The following GPC5 variants were observed in gnomAD, a reference collection of about 807,000 sequenced individuals.
GPC5 encodes glypican-5.
A neutral mutation model predicts 53.9 loss-of-function variants in GPC5; 47 were observed. The ratio of observed to expected loss-of-function variants is 0.87; its 90% confidence interval spans 0.69 to 1.11. GPC5 has a LOEUF of 1.11. GPC5 is among the 50% of genes most tolerant of loss of function. The pLI is 0.00. For missense variants in GPC5, 748 were observed against 713.1 expected (o/e 1.05, Z -0.56); for synonymous variants, 286 against 263.3 (o/e 1.09, Z -0.84).
chr13:91,899,736 T>G (rs1335125258), intron 5 of GPC5, among the ~76,000 whole-genome samples: 1 of 152,132 alleles, frequency 6.6e-6, no homozygotes. Flanking sequence ...GAAGGTCATG[T>G]GAAGATGGAG....
In GPC5 at chr13:91,828,637, C is replaced by T. The variant is rs545329651; in HGVS notation, c.1280+72217C>T. On this transcript the variant is annotated intron_variant, in intron 5 of 7. Transcript: ENST00000377067. ...TTTTTCCAGAAAGTAAATGCTTTCTCAAAGAATGTTAGATACAGGTGGAAA... is the reference window on the plus strand; with the variant it reads ...TTTTTCCAGAAAGTAAATGCTTTCTTAAAGAATGTTAGATACAGGTGGAAA... Among the ~76,000 whole-genome samples the T allele has an allele frequency of 6.6e-5, 10 of 152,018 alleles. No homozygotes were observed. In the South Asian group the frequency reaches 2.1e-3, roughly 32 times the overall value.
chr13:91,592,861 G>T (rs1594302636), intron 2 of GPC5, among the ~76,000 whole-genome samples: 2 of 152,214 alleles, frequency 1.3e-5, no homozygotes, highest in African/African-American at 4.8e-5. Flanking sequence ...CAGGCAAGGG[G>T]CCTGAAGAAT....
intron 7 of GPC5, among the ~76,000 whole-genome samples, chr13:92,562,921 C>T (rs1357667485): frequency 6.6e-6 from 1 of 151,690 alleles, no homozygotes; most frequent in Non-Finnish European, 1.5e-5. Flanking sequence ...CATTATGTAC[C>T]CTAGCAGGGT....
At chr13:91,804,670 ATG>A (rs2038192083) in intron 5 of GPC5, among the ~76,000 whole-genome samples, 1 of 152,058 alleles carries the variant, frequency 6.6e-6, no homozygotes, top group African/African-American at 2.4e-5. Context: ...ATGGGTTTTG[ATG>A]TGCAAAAATG....
intron 5 of GPC5, among the ~76,000 whole-genome samples, chr13:91,765,464 C>G (rs2037504215): frequency 6.6e-6 from 1 of 152,288 alleles, no homozygotes; most frequent in Admixed American, 6.5e-5. Context: ...GAAATGGAAA[C>G]AGAAAGAGTA....
At chr13:91,610,737 C>T (rs17420943) in intron 2 of GPC5, among the ~76,000 whole-genome samples, 6,078 of 152,162 alleles carry the variant, frequency 0.04, 235 homozygotes, top group South Asian at 0.24. Flanking sequence ...GTGTGACGAA[C>T]GGTAAATTTC....
intron 2 of GPC5, among the ~76,000 whole-genome samples, chr13:91,674,614 T>C (rs1235459754): frequency 6.8e-6 from 1 of 147,772 alleles, no homozygotes; most frequent in Non-Finnish European, 1.5e-5. Context: ...TATGCGTATG[T>C]GTATATATAC....
At chr13:92,341,306 G>A (rs1008973037) in intron 7 of GPC5, among the ~76,000 whole-genome samples, 3 of 152,012 alleles carry the variant, frequency 2.0e-5, no homozygotes, top group African/African-American at 4.8e-5. Flanking sequence ...TTAGTCACTA[G>A]TTCCATCTAT....
At chr13:92,605,715 G>C (rs572332152) in intron 7 of GPC5, among the ~76,000 whole-genome samples, 1 of 151,386 alleles carries the variant, frequency 6.6e-6, no homozygotes, top group South Asian at 2.1e-4. Flanking sequence ...TCAGCCTCCC[G>C]AGTAGCTGGG....
chr13:91,853,373 C>T lies in GPC5; in HGVS notation c.1281-54564C>T, dbSNP rs907183726. Among the ~76,000 whole-genome samples the T allele has an allele frequency of 4.6e-5, 7 of 151,980 alleles. No individual in the cohort carries two copies. In the South Asian group the frequency reaches 8.3e-4, roughly 18 times the overall value. On this transcript the variant is annotated intron_variant, in intron 5 of 7. Coordinates refer to ENST00000377067, the MANE Select transcript of GPC5 (RefSeq NM_004466.6). ...ATGGCAAATACATTGATCAGCAGCA[C>T]TTACAGAAGGGTAATTTTTTTAAAG...
At chr13:92,444,428 A>G (rs956707179) in intron 7 of GPC5, among the ~76,000 whole-genome samples, 1 of 152,198 alleles carries the variant, frequency 6.6e-6, no homozygotes, top group African/African-American at 2.4e-5. Flanking sequence ...GTAAGACTCA[A>G]TTCAGGGTCT....
At chr13:91,974,660 G>A (rs1237662662) in intron 6 of GPC5, among the ~76,000 whole-genome samples, 1 of 152,132 alleles carries the variant, frequency 6.6e-6, no homozygotes, top group African/African-American at 2.4e-5. Flanking sequence ...CTCATGGGTA[G>A]GAAGAATCAA....
At chr13:92,442,286 T>A (rs1877606186) in intron 7 of GPC5, among the ~76,000 whole-genome samples, 1 of 152,184 alleles carries the variant, frequency 6.6e-6, no homozygotes, top group African/African-American at 2.4e-5. Flanking sequence ...GTTATCTCAC[T>A]CTTTCTTGCT....
At chr13:91,896,027 C>T (rs1248247842) in intron 5 of GPC5, among the ~76,000 whole-genome samples, 4 of 152,094 alleles carry the variant, frequency 2.6e-5, no homozygotes, top group South Asian at 4.2e-4. Flanking sequence ...AAAAAATGAC[C>T]TCTGCCTCAG....
chr13:91,514,820 T>C (rs968188500), intron 2 of GPC5, among the ~76,000 whole-genome samples: 1 of 152,206 alleles, frequency 6.6e-6, no homozygotes, highest in Admixed American at 6.5e-5. Flanking sequence ...TTTTATCTAA[T>C]GCTCACAGTT....
chr13:92,353,836 T>A (rs2043500668), intron 7 of GPC5, among the ~76,000 whole-genome samples: 1 of 152,178 alleles, frequency 6.6e-6, no homozygotes, highest in African/African-American at 2.4e-5. Flanking sequence ...TTCCAAAACC[T>A]ATTAAGGCAT....
intron 7 of GPC5, among the ~76,000 whole-genome samples, chr13:92,830,514 C>G (rs1002638775): frequency 1.3e-5 from 2 of 152,104 alleles, no homozygotes; most frequent in East Asian, 3.9e-4. Flanking sequence ...TTTTTCCTTG[C>G]TTTCATATGT....
chr13:91,941,618 A>G (rs893390845), intron 6 of GPC5, among the ~76,000 whole-genome samples: 3 of 152,126 alleles, frequency 2.0e-5, no homozygotes, highest in African/African-American at 7.2e-5. Context: ...CCACAGCTGA[A>G]TGATCACATT....
chr13:92,118,496 A>G (rs1458102041), intron 6 of GPC5, among the ~76,000 whole-genome samples: 1 of 152,200 alleles, frequency 6.6e-6, no homozygotes, highest in African/African-American at 2.4e-5. Context: ...TCATGACAGC[A>G]GCTTCAGAAC....
Sources: allele counts gnomAD v4.1 joint callset (sites outside exome capture counted in the v4.1 genomes callset), GRCh38; gene constraint gnomAD v4.1.1; transcripts MANE v1.5; gene names NCBI Gene and HGNC (gene_info 2026-07-23, HGNC 2026-07-21).